SPOCK1: variants seen among roughly 807,000 people sequenced by gnomAD.
The protein encoded by SPOCK1 is testican-1.
A neutral mutation model predicts 55.3 loss-of-function variants in SPOCK1; 23 were observed. That is an observed-to-expected ratio of 0.42 (90% CI 0.30 to 0.59). SPOCK1 has a LOEUF of 0.59. SPOCK1 is among the 20% of genes least tolerant of loss of function. The pLI, the probability that SPOCK1 is intolerant of heterozygous loss-of-function variation, is 0.22. For missense variants in SPOCK1, 499 were observed against 552.5 expected (o/e 0.90, Z 0.97); for synonymous variants, 226 against 221.0 (o/e 1.02, Z -0.20).
At chr5:137,055,482 T>G (rs1167273084) in intron 6 of SPOCK1, among the ~76,000 whole-genome samples, 5 of 152,204 alleles carry the variant, frequency 3.3e-5, no homozygotes, top group African/African-American at 1.2e-4. Context: ...TCACTATGCT[T>G]TCCCCAAGTA....
chr5:137,358,195 A>G, intron 2 of SPOCK1, among the ~76,000 whole-genome samples: 1 of 151,924 alleles, frequency 6.6e-6, no homozygotes. Flanking sequence ...TCACTGAGCA[A>G]TGACTGAACA....
intron 2 of SPOCK1, among the ~76,000 whole-genome samples, chr5:137,384,000 G>T (rs927936786): frequency 1.3e-5 from 2 of 152,152 alleles, no homozygotes; most frequent in African/African-American, 4.8e-5. Context: ...TCTGCTTCCT[G>T]CTATGTCCAC....
chr5:137,162,273 G>T (rs2127052880), intron 3 of SPOCK1, among the ~76,000 whole-genome samples: 1 of 151,816 alleles, frequency 6.6e-6, no homozygotes, highest in East Asian at 1.9e-4. Context: ...GACTAGCTGG[G>T]GCTACAGGCA....
chr5:137,132,612 A>T (rs1753906516), intron 4 of SPOCK1, among the ~76,000 whole-genome samples: 1 of 152,230 alleles, frequency 6.6e-6, no homozygotes. Flanking sequence ...TGGCCCTACC[A>T]TTCCCAGCTT....
chr5:137,126,384 T>A (rs4976414), intron 4 of SPOCK1, among the ~76,000 whole-genome samples: 35,059 of 152,120 alleles, frequency 0.23, 4,449 homozygotes, highest in Non-Finnish European at 0.28. Context: ...CAGCCTCAGG[T>A]GTTCCTTCAT....
chr5:137,449,438 T>G (rs1046929427), intron 2 of SPOCK1, among the ~76,000 whole-genome samples: 1 of 152,214 alleles, frequency 6.6e-6, no homozygotes, highest in East Asian at 1.9e-4. Flanking sequence ...TTTTTCAGTC[T>G]TAAGCAGTTC....
intron 2 of SPOCK1, among the ~76,000 whole-genome samples, chr5:137,398,771 A>C (rs952742301): frequency 2.0e-5 from 3 of 152,236 alleles, no homozygotes; most frequent in Non-Finnish European, 2.9e-5. Flanking sequence ...AAAATCTAAT[A>C]CTATAACACT....
intron 5 of SPOCK1, among the ~76,000 whole-genome samples, chr5:137,097,666 TCA>T (rs1025876751): frequency 1.3e-5 from 2 of 152,228 alleles, no homozygotes; most frequent in Non-Finnish European, 2.9e-5. Context: ...TATTGGAGCC[TCA>T]CAGTCTATGT....
chr5:137,272,925 C>A (rs1177602423), intron 2 of SPOCK1, among the ~76,000 whole-genome samples: 4 of 152,166 alleles, frequency 2.6e-5, no homozygotes, highest in Non-Finnish European at 2.9e-5. Context: ...ATTCCCATAA[C>A]TATTACTAGT....
At chr5:137,165,767 G>T (rs971369655) in intron 3 of SPOCK1, among the ~76,000 whole-genome samples, 1 of 152,026 alleles carries the variant, frequency 6.6e-6, no homozygotes, top group African/African-American at 2.4e-5. Context: ...AACGCAATTG[G>T]CATACTAAAG....
intron 6 of SPOCK1, among the ~76,000 whole-genome samples, chr5:137,037,671 G>T (rs1751909957): frequency 6.6e-6 from 1 of 152,122 alleles, no homozygotes; most frequent in African/African-American, 2.4e-5. Context: ...ATTTCTCTGG[G>T]GTGAGCTGTA....
chr5:137,100,086 TACA>T (rs748151827), intron 5 of SPOCK1, among the ~76,000 whole-genome samples: 5 of 152,288 alleles, frequency 3.3e-5, no homozygotes, highest in South Asian at 4.1e-4. Flanking sequence ...TTTCCACGTG[TACA>T]ACAACATTTC....
intron 6 of SPOCK1, among the ~76,000 whole-genome samples, chr5:137,049,139 G>C (rs1337994113): frequency 1.2e-5 from 1 of 82,480 alleles, no homozygotes; most frequent in African/African-American, 4.2e-5. Context: ...TCTTCTCGAG[G>C]AGTATCTTTG....
intron 2 of SPOCK1, among the ~76,000 whole-genome samples, chr5:137,333,517 T>C (rs1003821777): frequency 6.6e-6 from 1 of 152,178 alleles, no homozygotes; most frequent in Non-Finnish European, 1.5e-5. Flanking sequence ...GTCTCATCCA[T>C]GGACATCTGC....
At chr5:137,226,742 C>A (rs1755954647) in intron 3 of SPOCK1, among the ~76,000 whole-genome samples, 1 of 152,182 alleles carries the variant, frequency 6.6e-6, no homozygotes, top group South Asian at 2.1e-4. Flanking sequence ...ATGGCCCTCC[C>A]CTGCTTTCTC....
At chr5:137,221,083 C>T (rs904203151) in intron 3 of SPOCK1, among the ~76,000 whole-genome samples, 2 of 152,088 alleles carry the variant, frequency 1.3e-5, no homozygotes, top group Admixed American at 1.3e-4. Flanking sequence ...TATAAAAACC[C>T]AAATATCTAT....
rs115888749 is a variant in SPOCK1, at chr5:137,446,805, C to T, written c.186+51568G>A. On this transcript the variant is annotated intron_variant, in intron 2 of 10. Coordinates refer to ENST00000394945, the MANE Select transcript of SPOCK1 (RefSeq NM_004598.4). ...AAACCCTATACTCATTAAACTATAC[C>T]CCATTTCCCTTCCCTGCAGCTCTTG... 8.5e-3 allele frequency among the ~76,000 whole-genome samples: 1,296 copies of T among 152,176 alleles called. 19 individuals carry two copies. The highest frequency in any genetic ancestry group is 0.03 in the African/African-American group (1,233 of 41,502).
chr5:137,408,406 G>A (rs1030229664), intron 2 of SPOCK1, among the ~76,000 whole-genome samples: 1 of 152,172 alleles, frequency 6.6e-6, no homozygotes, highest in African/African-American at 2.4e-5. Context: ...AGCAGACTGA[G>A]GCTGAAGAAG....
intron 2 of SPOCK1, among the ~76,000 whole-genome samples, chr5:137,394,239 T>C (rs1330188905): frequency 6.6e-6 from 1 of 152,230 alleles, no homozygotes; most frequent in African/African-American, 2.4e-5. Flanking sequence ...TACTGGTGGA[T>C]CTTTATCTCC....
Sources: gnomAD v4.1 joint callset for allele counts (sites outside exome capture counted in the v4.1 genomes callset) on GRCh38, gnomAD v4.1.1 for gene constraint, MANE v1.5 for transcripts, NCBI Gene and HGNC (gene_info 2026-07-23, HGNC 2026-07-21) for gene names.